The following BCAT1 variants were observed in gnomAD, a reference collection of about 807,000 sequenced individuals.
BCAT1 encodes branched chain amino acid transaminase 1, also known as branched-chain-amino-acid aminotransferase, cytosolic.
Under a neutral mutation model 52.4 loss-of-function variants are expected in BCAT1, and 48 were observed. The observed-to-expected ratio is 0.92, with a 90% CI of 0.73 to 1.16. The LOEUF is 1.16. Among genes scored for constraint, BCAT1 ranks in the 50% most tolerant of loss-of-function variants. The pLI is 0.00. For missense variants in BCAT1, 451 were observed against 457.1 expected (o/e 0.99, Z 0.12); for synonymous variants, 167 against 161.3 (o/e 1.04, Z -0.27).
chr12:24,842,332 AG>A, intron 6 of BCAT1, 108 bp from the exon 7 acceptor site: 1 of 1,243,764 alleles, frequency 8.0e-7, no homozygotes, highest in Non-Finnish European at 1.1e-6. Context: ...GACATAGTGA[AG>A]GTATTATGTT....
chr12:24,879,230 T>C (rs569620074), intron 4 of BCAT1, among the ~76,000 whole-genome samples: 5 of 152,296 alleles, frequency 3.3e-5, no homozygotes, highest in East Asian at 3.9e-4. Flanking sequence ...CTTCAAAAGA[T>C]GTAAAGCAAC....
intron 5 of BCAT1, among the ~76,000 whole-genome samples, chr12:24,867,935 A>T (rs965408142): frequency 1.3e-5 from 2 of 152,102 alleles, no homozygotes; most frequent in African/African-American, 4.8e-5. Context: ...AACCTGGGAG[A>T]CAGAGGTTGC....
chr12:24,913,416 A>T (rs1343972345), intron 1 of BCAT1, among the ~76,000 whole-genome samples: 1 of 152,220 alleles, frequency 6.6e-6, no homozygotes, highest in Non-Finnish European at 1.5e-5. Context: ...TGTGCTAGGT[A>T]AGTCTTTGAC....
At chr12:24,910,964 C>A (rs1243462051) in intron 1 of BCAT1, among the ~76,000 whole-genome samples, 1 of 152,014 alleles carries the variant, frequency 6.6e-6, no homozygotes, top group Non-Finnish European at 1.5e-5. Flanking sequence ...ATTAGCTGGG[C>A]ATGGTGGCGA....
At chr12:24,899,346 G>T (rs1188762851) in intron 2 of BCAT1, among the ~76,000 whole-genome samples, 1 of 152,178 alleles carries the variant, frequency 6.6e-6, no homozygotes, top group Non-Finnish European at 1.5e-5. Flanking sequence ...AGCAACCACA[G>T]TTAGAATGGT....
rs1180300468 is a variant in BCAT1, at chr12:24,816,785, G to C, written c.*1223C>G. On this transcript the variant is annotated 3_prime_UTR_variant, in exon 11 of 11. Transcript: ENST00000261192. ...TGAAGGGTGGTTTCAGGATGAAACT[G>C]TTACACCTCAGGTCATCAAGCATTA... 1 of 388,998 alleles carries C rather than the reference G, an allele frequency of 2.6e-6. No individual in the cohort carries two copies. Among genetic ancestry groups the C allele is most frequent in the Non-Finnish European group, 4.5e-6 (1 of 220,250 alleles). 24.1% of individuals were successfully genotyped at this position (388,998 alleles called of 1,614,324 possible).
chr12:24,832,635 G>A, intron 9 of BCAT1, 88 bp downstream of exon 9: 2 of 1,398,202 alleles, frequency 1.4e-6, no homozygotes, highest in Non-Finnish European at 9.6e-7. Flanking sequence ...TTGGGTCTGG[G>A]TCCAGATACA....
intron 9 of BCAT1, 109 bp downstream of exon 9, chr12:24,832,614 A>G (rs866624489): frequency 6.2e-6 from 8 of 1,298,534 alleles, no homozygotes; most frequent in African/African-American, 6.0e-5. Flanking sequence ...CAACGACAAA[A>G]CTTTTGCATC....
chr12:24,859,527 AGGAGAAT>A (rs1322959106), intron 5 of BCAT1, among the ~76,000 whole-genome samples: 1 of 149,180 alleles, frequency 6.7e-6, no homozygotes, highest in Non-Finnish European at 1.5e-5. Flanking sequence ...AGGCTGAGGC[AGGAGAAT>A]GGTGTGAACC....
intron 1 of BCAT1, chr12:24,945,307 AT>A (rs1337294088): frequency 4.6e-5 from 7 of 152,250 alleles, no homozygotes; most frequent in African/African-American, 1.7e-4. Flanking sequence ...ATTTTGAAAC[AT>A]TTAAAAAATG....
chr12:24,902,105 T>G (rs1261685489), intron 1 of BCAT1: 2 of 1,467,194 alleles, frequency 1.4e-6, no homozygotes, highest in Admixed American at 5.0e-5. Context: ...GTCGCGGCGG[T>G]TTTTGTCCTC....
At chr12:24,841,801 C>T (rs1383795397) in intron 7 of BCAT1, among the ~76,000 whole-genome samples, 5 of 151,962 alleles carry the variant, frequency 3.3e-5, no homozygotes, top group South Asian at 2.1e-4. Context: ...CCCAGCTACT[C>T]GGGAGGCTGA....
At chr12:24,882,657 G>A (rs1285926053) in intron 3 of BCAT1, among the ~76,000 whole-genome samples, 3 of 150,788 alleles carry the variant, frequency 2.0e-5, no homozygotes, top group Non-Finnish European at 4.4e-5. Context: ...GAAGTTCAGT[G>A]GCAAGATCTT....
chr12:24,896,399 A>G (rs1052387205), intron 2 of BCAT1, among the ~76,000 whole-genome samples: 25 of 152,204 alleles, frequency 1.6e-4, no homozygotes, highest in African/African-American at 5.8e-4. Flanking sequence ...TTGTATCTTC[A>G]GTGGCAGCAC....
intron 10 of BCAT1, among the ~76,000 whole-genome samples, chr12:24,821,985 A>C (rs768749205): frequency 1.2e-4 from 19 of 152,186 alleles, no homozygotes; most frequent in Non-Finnish European, 1.8e-4. Flanking sequence ...GGCATCAGAG[A>C]GCAGAACACA....
At chr12:24,883,878 C>T (rs1282259221) in intron 3 of BCAT1, among the ~76,000 whole-genome samples, 5 of 152,294 alleles carry the variant, frequency 3.3e-5, no homozygotes, top group East Asian at 3.9e-4. Context: ...CCTAATGCTG[C>T]CACTGATCTG....
At chr12:24,881,475 C>CGCCCA in intron 3 of BCAT1, 64 bp from the exon 4 acceptor site, 1 of 1,062,650 alleles carries the variant, frequency 9.4e-7, no homozygotes, top group Non-Finnish European at 1.4e-6. Flanking sequence ...GTTCAAGAGA[C>CGCCCA]TGACTTTCCT....
At position 24,941,064 on chromosome 12, in the gene BCAT1, T is replaced by G. The variant is rs552000851; in HGVS notation, c.6+7863A>C. Among the ~76,000 whole-genome samples the G allele has an allele frequency of 1.3e-5, 2 of 152,376 alleles. 1 individual carries two copies. The highest frequency in any genetic ancestry group is 4.8e-5 in the African/African-American group (2 of 41,598). On this transcript the variant is annotated intron_variant, in intron 1 of 10. Transcript: ENST00000261192. ...AAACACATGACTTTGTTCTATATTCTAAGACCATTCCAAGGATGTTTCCCT... is the reference window on the plus strand; with the variant it reads ...AAACACATGACTTTGTTCTATATTCGAAGACCATTCCAAGGATGTTTCCCT...
At chr12:24,903,228 G>A in intron 1 of BCAT1, 1 of 854,890 alleles carries the variant, frequency 1.2e-6, no homozygotes, top group South Asian at 5.7e-5. Flanking sequence ...AAACCGAAGC[G>A]GTTGTCCCTG....
Sources: gnomAD v4.1 joint callset for allele counts (sites outside exome capture counted in the v4.1 genomes callset) on GRCh38, gnomAD v4.1.1 for gene constraint, MANE v1.5 for transcripts, NCBI Gene and HGNC (gene_info 2026-07-23, HGNC 2026-07-21) for gene names.